MLLT10: variants seen among roughly 807,000 people sequenced by gnomAD.
MLLT10 encodes protein AF-10.
Under a neutral mutation model 129.1 loss-of-function variants are expected in MLLT10, and 30 were observed. The ratio of observed to expected loss-of-function variants is 0.23; its 90% CI spans 0.17 to 0.32. The LOEUF (loss-of-function observed/expected upper bound fraction) is 0.32, where lower values mean the gene tolerates loss of function less well. Among genes scored for constraint, MLLT10 ranks in the 10% least tolerant of loss-of-function variants. MLLT10 has a pLI of 1.00. For missense variants in MLLT10, 1,119 were observed against 1,268.3 expected (o/e 0.88, Z 1.79); for synonymous variants, 490 against 446.4 (o/e 1.10, Z -1.23).
chr10:21,567,371 A>G (rs1233129408), intron 3 of MLLT10, among the ~76,000 whole-genome samples: 2 of 151,688 alleles, frequency 1.3e-5, no homozygotes, highest in Admixed American at 6.6e-5. Context: ...TCTCTACCTG[A>G]TCTCTGTGGT....
chr10:21,692,346 T>C (rs996093772), intron 13 of MLLT10, among the ~76,000 whole-genome samples: 3 of 151,898 alleles, frequency 2.0e-5, no homozygotes, highest in African/African-American at 4.8e-5. Flanking sequence ...TTATTATTAT[T>C]ATTTAATCAA....
chr10:21,717,543 C>T lies in MLLT10; in HGVS notation c.1878+3593C>T, dbSNP rs544027736. 1.2e-4 allele frequency among the ~76,000 whole-genome samples: 7 copies of T among 56,898 alleles called. No homozygotes were observed. In the East Asian group the frequency reaches 4.6e-3, roughly 38 times the overall value. 37.3% of individuals were successfully genotyped at this position (56,898 alleles called of 152,430 possible). On this transcript the variant is annotated intron_variant, in intron 14 of 22. Transcript: ENST00000307729. ...CACCTCCTCCTCCTCCTCCTCCTCCCTTCTTCTTTCTTCTTCTTTCTTCCT... is the reference window on the plus strand; with the variant it reads ...CACCTCCTCCTCCTCCTCCTCCTCCTTTCTTCTTTCTTCTTCTTTCTTCCT...
chr10:21,588,832 T>C lies in MLLT10; in HGVS notation c.295+2484T>C, dbSNP rs561690877. Among the ~76,000 whole-genome samples the C allele has an allele frequency of 1.6e-4, 25 of 151,646 alleles. No individual in the cohort carries two copies. In the South Asian group the frequency reaches 4.6e-3, roughly 28 times the overall value. ...CTTGGTTGTTGATCTTTTTCTTTTT[T>C]TTTTTTTTTGAGACAGGGTCTCCCT... On this transcript the variant is annotated intron_variant, in intron 4 of 22. Coordinates refer to ENST00000307729, the MANE Select transcript of MLLT10 (RefSeq NM_001195626.3).
intron 3 of MLLT10, among the ~76,000 whole-genome samples, chr10:21,551,567 C>T (rs1029489741): frequency 2.0e-5 from 3 of 151,754 alleles, no homozygotes; most frequent in African/African-American, 7.3e-5. Context: ...TTGCTTGTTT[C>T]TTGAATTCCT....
At chr10:21,681,524 A>T in intron 12 of MLLT10, 148 bp downstream of exon 12, 1 of 594,034 alleles carries the variant, frequency 1.7e-6, no homozygotes, top group Non-Finnish European at 2.9e-6. Flanking sequence ...TCCTGCAAAG[A>T]TAATGTACTG....
rs1166690740 is a variant in MLLT10 at position 21,624,961 on chromosome 10, A to C, written c.699+7754A>C. On this transcript the variant is annotated intron_variant, in intron 8 of 22. Coordinates refer to ENST00000307729, the MANE Select transcript of MLLT10 (RefSeq NM_001195626.3). ...GCTCCCCTCCCCCTTGGTGGTGGTG[A>C]AGCACCCTGCCCTCCCCTTCCTCCT... is the stretch of plus-strand genomic sequence containing the variant. The C allele has an allele frequency of 3.1e-6, 4 of 1,296,678 alleles. No homozygotes were observed. In the African/African-American group the frequency reaches 6.0e-5, roughly 19 times the overall value. The allele number at this position is 1,296,678 out of a possible 1,614,324, so 80.3% of individuals were successfully genotyped here.
At position 21,563,938 on chromosome 10, in the gene MLLT10, G is replaced by A. The variant is rs183659600; in HGVS notation, c.241-22356G>A. Among the ~76,000 whole-genome samples, 126 of 151,826 alleles carry A rather than the reference G, an allele frequency of 8.3e-4. 3 individuals are homozygous for A. The East Asian group carries it at 0.019, about 23-fold the overall frequency. On this transcript the variant is annotated intron_variant, in intron 3 of 22. Coordinates refer to ENST00000307729, the MANE Select transcript of MLLT10 (RefSeq NM_001195626.3). ...CACCATTCTCCTGCCTCAGCCTCCC[G>A]AGTAGCTGGGACTACAGGCTCCTGC...
At chr10:21,543,051 C>A (rs750608761) in intron 3 of MLLT10, among the ~76,000 whole-genome samples, 2 of 151,890 alleles carry the variant, frequency 1.3e-5, no homozygotes, top group Non-Finnish European at 2.9e-5. Context: ...ATCCGCCTCC[C>A]GGGTTCAAGT....
chr10:21,552,896 C>A lies in MLLT10; in HGVS notation c.240+13984C>A, dbSNP rs1588888005. 2.0e-5 allele frequency among the ~76,000 whole-genome samples: 3 copies of A among 151,978 alleles called. No individual in the cohort carries two copies. In the South Asian group the frequency reaches 6.2e-4, roughly 32 times the overall value. On this transcript the variant is annotated intron_variant, in intron 3 of 22. Transcript: ENST00000307729. ...TCCCTCTTTCTTCTCTCCCCTTTTA[C>A]TTTCCCTTGTCTTTCCTCCCCCTTC... is the stretch of plus-strand genomic sequence containing the variant.
chr10:21,581,398 G>A (rs1277149598), intron 3 of MLLT10, among the ~76,000 whole-genome samples: 3 of 151,346 alleles, frequency 2.0e-5, no homozygotes, highest in Non-Finnish European at 4.4e-5. Flanking sequence ...TGGTATGAAA[G>A]ATTTTAAAAA....
Position 21,673,732 on chromosome 10 carries a change from T to G in MLLT10, c.1434T>G (p.Pro478=). ...RKGNKQSKHG[P]GRPKGNKNQE... is the part of the protein sequence containing the mutation. ...GAAATAAACAAAGTAAGCATGGGCC[T>G]GGCAGACCCAAAGGAAACAAAAATC... The change falls in exon 11 of 23, where the codon CCT becomes CCG. Residue 478 remains proline, a synonymous_variant. Transcript: ENST00000307729. 1 of 1,614,164 alleles carries G rather than the reference T, an allele frequency of 6.2e-7. No individual in the cohort carries two copies.
intron 3 of MLLT10, among the ~76,000 whole-genome samples, chr10:21,549,522 A>G (rs770911521): frequency 4.6e-5 from 7 of 152,138 alleles, no homozygotes; most frequent in Non-Finnish European, 1.0e-4. Flanking sequence ...CTTAGCACAT[A>G]GTTTTCATGT....
rs993493277 is a variant in MLLT10 at position 21,613,192 on chromosome 10, C to CAAAAAA, written c.509+762_509+767dup. Among the ~76,000 whole-genome samples the CAAAAAA allele has an allele frequency of 2.4e-3, 58 of 24,638 alleles. 1 individual carries two copies. The highest frequency in any genetic ancestry group is 7.5e-3 in the African/African-American group (54 of 7,210). The allele number at this position is 24,638 out of a possible 152,430, so 16.2% of individuals were successfully genotyped here. A position where few individuals can be genotyped will look rare whatever the true frequency, so the allele number is the denominator to read the frequency against. ...CTGGCGACAAACCAAGACTCTGTCT[C>CAAAAAA]AAAAAAAAAAAAAAAAAAAAAAAAA... On this transcript the variant is annotated intron_variant, in intron 6 of 22. Transcript: ENST00000307729.
At chr10:21,716,527 T>C (rs1376674177) in intron 14 of MLLT10, among the ~76,000 whole-genome samples, 1 of 152,044 alleles carries the variant, frequency 6.6e-6, no homozygotes, top group Admixed American at 6.5e-5. Context: ...ACCCTGTCTC[T>C]ACTAAAAAAT....
intron 8 of MLLT10, chr10:21,624,884 T>C: frequency 8.5e-7 from 1 of 1,176,124 alleles, no homozygotes; most frequent in Non-Finnish European, 1.2e-6. Context: ...CTCGTGGTGG[T>C]CCCAAAGGTG....
Position 21,733,044 on chromosome 10 carries a change from T to C in MLLT10, c.2364T>C (p.Asn788=), listed in dbSNP as rs774651031. The C allele has an allele frequency of 3.1e-6, 5 of 1,613,504 alleles. No individual in the cohort carries two copies. In the South Asian group the frequency reaches 5.5e-5, roughly 18 times the overall value. The change falls in exon 18 of 23, where the codon AAT becomes AAC. Residue 788 remains asparagine (N), a synonymous_variant. Coordinates refer to ENST00000307729, the MANE Select transcript of MLLT10 (RefSeq NM_001195626.3). ...LSVPFPTITA[N]PSPSHQIHTF... is the part of the protein sequence containing the mutation. ...TGCCTTTTCCAACAATAACAGCAAA[T>C]CCTAGTCCGTCTCATCAAATACACA...
At chr10:21,621,499 C>A (rs1055663830) in intron 8 of MLLT10, among the ~76,000 whole-genome samples, 3 of 152,232 alleles carry the variant, frequency 2.0e-5, no homozygotes, top group Non-Finnish European at 4.4e-5. Context: ...CCCCTCTCGG[C>A]CTCCCAAAGT....
chr10:21,624,356 A>G (rs146759594), intron 8 of MLLT10, among the ~76,000 whole-genome samples: 74 of 152,326 alleles, frequency 4.9e-4, no homozygotes, highest in African/African-American at 1.8e-3. Context: ...AATGATAAAA[A>G]CATAACTCCC....
intron 9 of MLLT10, among the ~76,000 whole-genome samples, chr10:21,660,702 C>G (rs938716667): frequency 1.3e-5 from 2 of 150,546 alleles, no homozygotes; most frequent in Non-Finnish European, 3.0e-5. Context: ...GGCGAAGCCC[C>G]GTATCTACTA....
Sources: allele counts gnomAD v4.1 joint callset (sites outside exome capture counted in the v4.1 genomes callset), GRCh38; gene constraint gnomAD v4.1.1; transcripts MANE v1.5; gene names NCBI Gene and HGNC (gene_info 2026-07-23, HGNC 2026-07-21).